Variants in DLGAP2 observed in about 807,000 individuals in gnomAD.
DLGAP2 encodes the protein DLG associated protein 2.
Under a neutral mutation model 100.3 loss-of-function variants are expected in DLGAP2, and 26 were observed. The observed-to-expected ratio is 0.26, with a 90% confidence interval of 0.19 to 0.36. The LOEUF is 0.36. DLGAP2 is among the 10% of genes least tolerant of loss of function. The pLI is 1.00. For missense variants in DLGAP2, 1,858 were observed against 1,453.2 expected, an observed-to-expected ratio of 1.28 and a Z score of -4.53; for synonymous variants, 886 against 630.1, an observed-to-expected ratio of 1.41 and a Z score of -6.08.
intron 3 of DLGAP2, among the ~76,000 whole-genome samples, chr8:1,278,754 A>G (rs146048108): frequency 1.2e-4 from 18 of 152,336 alleles, no homozygotes; most frequent in African/African-American, 4.3e-4. Context: ...TTACATAATG[A>G]AGATCCCTTT....
At chr8:1,134,891 C>A (rs985404729) in intron 2 of DLGAP2, among the ~76,000 whole-genome samples, 3 of 152,186 alleles carry the variant, frequency 2.0e-5, no homozygotes, top group Admixed American at 2.0e-4. Flanking sequence ...GTGATCCAAT[C>A]CCCTCCCGCC....
At chr8:1,408,475 C>T (rs1210465626) in intron 3 of DLGAP2, among the ~76,000 whole-genome samples, 1 of 152,210 alleles carries the variant, frequency 6.6e-6, no homozygotes. Flanking sequence ...AGTCCTGAAG[C>T]CCCCATGGCC....
chr8:809,302 A>G (rs1458486344), intron 1 of DLGAP2, among the ~76,000 whole-genome samples: 1 of 152,196 alleles, frequency 6.6e-6, no homozygotes, highest in Non-Finnish European at 1.5e-5. Context: ...TAGTTCATAA[A>G]CAATTATTTT....
At chr8:1,110,400 G>C (rs959630913) in intron 2 of DLGAP2, among the ~76,000 whole-genome samples, 1 of 149,844 alleles carries the variant, frequency 6.7e-6, no homozygotes, top group Non-Finnish European at 1.5e-5. Flanking sequence ...CTGGATCTGT[G>C]AGGTGTGCAT....
At chr8:1,146,286 TAAG>T (rs1312299886) in intron 2 of DLGAP2, among the ~76,000 whole-genome samples, 1 of 152,244 alleles carries the variant, frequency 6.6e-6, no homozygotes, top group Non-Finnish European at 1.5e-5. Flanking sequence ...TAGCCTCTGT[TAAG>T]AAGGGCTGAA....
intron 3 of DLGAP2, among the ~76,000 whole-genome samples, chr8:1,330,509 A>G (rs369277685): frequency 9.1e-4 from 72 of 78,854 alleles, no homozygotes; most frequent in East Asian, 1.7e-3. Context: ...GCACCGCTTC[A>G]CGGGGACTGA....
chr8:860,122 C>T (rs1221076912), intron 1 of DLGAP2, among the ~76,000 whole-genome samples: 3 of 152,042 alleles, frequency 2.0e-5, no homozygotes, highest in African/African-American at 4.8e-5. Context: ...GATTTTTGGC[C>T]TTTTTGGTTT....
intron 2 of DLGAP2, among the ~76,000 whole-genome samples, chr8:925,980 C>T (rs1194617130): frequency 6.6e-6 from 1 of 152,206 alleles, no homozygotes; most frequent in Non-Finnish European, 1.5e-5. Context: ...GAACACATCA[C>T]ACTGCCATTA....
At chr8:1,122,917 A>C (rs1203143861) in intron 2 of DLGAP2, among the ~76,000 whole-genome samples, 2 of 152,212 alleles carry the variant, frequency 1.3e-5, no homozygotes, top group Admixed American at 6.5e-5. Context: ...GAAGAGTGTG[A>C]TACCAGCTCT....
At position 1,250,925 on chromosome 8, in the gene DLGAP2, A is replaced by G. The variant is rs549097605; in HGVS notation, c.74-7926A>G. Reference sequence around the variant, plus strand: ...TTTGTTGTGTTGTCTTCATTTGTACAAATTTAAGGGATGCAAGCACAGTTG... The same window carrying G: ...TTTGTTGTGTTGTCTTCATTTGTACGAATTTAAGGGATGCAAGCACAGTTG... On this transcript the variant is annotated intron_variant, in intron 2 of 14. Transcript: ENST00000637795. 2.0e-5 allele frequency among the ~76,000 whole-genome samples: 3 copies of G among 152,274 alleles called. No homozygotes were observed. The South Asian group carries it at 6.2e-4, about 32-fold the overall frequency.
intron 2 of DLGAP2, among the ~76,000 whole-genome samples, chr8:1,242,503 A>C (rs940579654): frequency 8.5e-5 from 13 of 152,202 alleles, no homozygotes; most frequent in African/African-American, 2.9e-4. Context: ...ATGTTGCACC[A>C]ACCCCGCCCA....
At chr8:1,196,966 G>A (rs1423384434) in intron 2 of DLGAP2, among the ~76,000 whole-genome samples, 1 of 152,154 alleles carries the variant, frequency 6.6e-6, no homozygotes, top group Admixed American at 6.5e-5. Context: ...GGAGACCCAG[G>A]GAAGCCAGAG....
chr8:1,346,368 A>T (rs1269087312), intron 3 of DLGAP2, among the ~76,000 whole-genome samples: 3 of 147,294 alleles, frequency 2.0e-5, no homozygotes, highest in African/African-American at 7.6e-5. Flanking sequence ...GGCTGTGTGG[A>T]GTTTGAGTTC....
intron 2 of DLGAP2, among the ~76,000 whole-genome samples, chr8:1,026,278 G>A (rs998286677): frequency 2.0e-5 from 3 of 152,160 alleles, no homozygotes; most frequent in Non-Finnish European, 2.9e-5. Context: ...GAGATGGCGC[G>A]CTTGCCCCAT....
intron 3 of DLGAP2, among the ~76,000 whole-genome samples, chr8:1,269,159 G>A (rs1799529061): frequency 6.6e-6 from 1 of 152,152 alleles, no homozygotes; most frequent in African/African-American, 2.4e-5. Flanking sequence ...CTCTTCTCCG[G>A]GCCATGTTCG....
intron 2 of DLGAP2, among the ~76,000 whole-genome samples, chr8:978,988 C>A (rs1042744232): frequency 6.6e-6 from 1 of 152,114 alleles, no homozygotes; most frequent in African/African-American, 2.4e-5. Context: ...GTGAGAGACC[C>A]TGTTAGGAAG....
chr8:1,269,846 G>T (rs1053347876), intron 3 of DLGAP2, among the ~76,000 whole-genome samples: 2 of 152,138 alleles, frequency 1.3e-5, no homozygotes, highest in Non-Finnish European at 2.9e-5. Flanking sequence ...GGGCGCGCCA[G>T]AAGCCCTGGA....
intron 10 of DLGAP2, among the ~76,000 whole-genome samples, chr8:1,674,328 A>G (rs1256844857): frequency 6.6e-6 from 1 of 152,214 alleles, no homozygotes; most frequent in East Asian, 1.9e-4. Flanking sequence ...TACAGGCATG[A>G]GCCACCATGC....
intron 3 of DLGAP2, among the ~76,000 whole-genome samples, chr8:1,319,233 A>G (rs1016776834): frequency 6.6e-6 from 1 of 152,216 alleles, no homozygotes; most frequent in African/African-American, 2.4e-5. Flanking sequence ...GTGAACTGCT[A>G]AGTTCTCAGC....
Sources: allele counts gnomAD v4.1 joint callset (sites outside exome capture counted in the v4.1 genomes callset), GRCh38; gene constraint gnomAD v4.1.1; transcripts MANE v1.5; gene names NCBI Gene and HGNC (gene_info 2026-07-23, HGNC 2026-07-21).